FBXO38: variants seen among roughly 807,000 people sequenced by gnomAD.
FBXO38 encodes F-box only protein 38.
In FBXO38, 53 loss-of-function variants were observed where a neutral mutation model predicts 131.9. The ratio of observed to expected loss-of-function variants is 0.40; its 90% CI spans 0.32 to 0.51. The LOEUF is 0.51. Among genes scored for constraint, FBXO38 ranks in the 20% least tolerant of loss-of-function variants. The pLI is 0.53. For synonymous variants in FBXO38, 452 were observed against 505.6 expected (o/e 0.89, Z 1.42); for missense variants, 1,076 against 1,475.6 (o/e 0.73, Z 4.44).
intron 2 of FBXO38, 71 bp downstream of exon 2, chr5:148,394,975 T>C: frequency 2.2e-6 from 3 of 1,372,514 alleles, no homozygotes; most frequent in Non-Finnish European, 1.9e-6. Flanking sequence ...TGCTGTCTAA[T>C]GTGGTAGCTA....
intron 10 of FBXO38, among the ~76,000 whole-genome samples, chr5:148,415,643 TTCA>T (rs1753009636): frequency 6.6e-6 from 1 of 152,162 alleles, no homozygotes; most frequent in Non-Finnish European, 1.5e-5. Flanking sequence ...AATTTTTTAA[TTCA>T]GTGTCCTATT....
intron 18 of FBXO38, among the ~76,000 whole-genome samples, chr5:148,439,121 C>T (rs954286710): frequency 6.6e-6 from 1 of 152,122 alleles, no homozygotes; most frequent in African/African-American, 2.4e-5. Context: ...AGGAGTTTGC[C>T]TTCCCAAAAA....
chr5:148,420,928 A>AT (rs1326071229), intron 12 of FBXO38, among the ~76,000 whole-genome samples: 2 of 151,496 alleles, frequency 1.3e-5, no homozygotes, highest in Non-Finnish European at 2.9e-5. Context: ...AAATGCTGGG[A>AT]TTACAGGTGT....
rs992947480 is a variant in FBXO38, at chr5:148,439,808, GCCCTTAA to G, written c.3170+17_3170+23del. On this transcript the variant is annotated intron_variant, in intron 19 of 21. Transcript: ENST00000340253. Reference sequence around the variant, plus strand: ...ACATCAATCAGTAAGTAACTTTGTGGCCCTTAAAGGCCTTTTGAGTCATTTCTCATAG... The same window carrying G: ...ACATCAATCAGTAAGTAACTTTGTGGAGGCCTTTTGAGTCATTTCTCATAG... 6.2e-7 allele frequency: 1 copy of G among 1,612,156 alleles called. No individual in the cohort carries two copies. Among genetic ancestry groups the G allele is most frequent in the African/African-American group, 1.3e-5 (1 of 74,944 alleles).
At position 148,442,297 on chromosome 5, in the gene FBXO38, T is replaced by C. The variant is rs897495214; in HGVS notation, c.*150T>C. 2.0e-6 allele frequency: 1 copy of C among 511,304 alleles called. No homozygotes were observed. Among genetic ancestry groups the C allele is most frequent in the Non-Finnish European group, 3.4e-6 (1 of 295,686 alleles). The allele number at this position is 511,304 out of a possible 1,614,324, so 31.7% of individuals were successfully genotyped here. ...ATATATAAGGAACATCGAAATTGTA[T>C]ACAAAGATTTGTACATAAAAAATAT... On this transcript the variant is annotated 3_prime_UTR_variant, in exon 22 of 22. Transcript: ENST00000340253.
At position 148,409,115 on chromosome 5, in the gene FBXO38, C is replaced by T. The variant is rs768616588; in HGVS notation, c.869-9C>T. On this transcript the variant is annotated splice_polypyrimidine_tract_variant and intron_variant, in intron 7 of 21. Coordinates refer to ENST00000340253, the MANE Select transcript of FBXO38 (RefSeq NM_205836.3). Reference sequence around the variant, plus strand: ...TGGTCAAACACTTGTTTTTGTTCCTCGTCTTTAGGTGGTTTTAGAAATTTG... The same window carrying T: ...TGGTCAAACACTTGTTTTTGTTCCTTGTCTTTAGGTGGTTTTAGAAATTTG... The T allele has an allele frequency of 1.0e-5, 16 of 1,567,262 alleles. No individual in the cohort carries two copies. Among genetic ancestry groups the T allele is most frequent in the Admixed American group, 1.7e-5 (1 of 59,888 alleles).
intron 1 of FBXO38, chr5:148,384,747 T>G (rs563769576): frequency 1.4e-4 from 22 of 152,434 alleles, no homozygotes; most frequent in African/African-American, 5.3e-4. Flanking sequence ...CTACCGTGTT[T>G]CTTTGCAGAC....
chr5:148,403,152 A>T (rs1200971238), intron 5 of FBXO38, among the ~76,000 whole-genome samples: 3 of 152,130 alleles, frequency 2.0e-5, no homozygotes, highest in Non-Finnish European at 2.9e-5. Context: ...GGATTCTGTA[A>T]TATCTGGAAT....
At chr5:148,384,614 C>T (rs1030331311) in intron 1 of FBXO38, 1 of 152,102 alleles carries the variant, frequency 6.6e-6, no homozygotes, top group Non-Finnish European at 1.5e-5. Context: ...TGTTGGATGC[C>T]TTTGATGTCC....
chr5:148,399,944 T>C (rs1335475095), intron 3 of FBXO38, among the ~76,000 whole-genome samples: 1 of 151,802 alleles, frequency 6.6e-6, no homozygotes. Context: ...AAAAAAAGCC[T>C]TAATAGAAGT....
chr5:148,388,008 A>G (rs1758006128), intron 1 of FBXO38, among the ~76,000 whole-genome samples: 1 of 143,586 alleles, frequency 7.0e-6, no homozygotes, highest in Admixed American at 7.0e-5. Context: ...TGTTTCTTAA[A>G]TAATATGACT....
intron 7 of FBXO38, among the ~76,000 whole-genome samples, chr5:148,408,349 CATA>C (rs1201223024): frequency 6.6e-6 from 1 of 152,214 alleles, no homozygotes. Flanking sequence ...TGGTCATACA[CATA>C]GCAACAGTTG....
chr5:148,439,142 A>G (rs1380297369), intron 18 of FBXO38, among the ~76,000 whole-genome samples: 1 of 152,198 alleles, frequency 6.6e-6, no homozygotes. Context: ...GGAGACAAAC[A>G]CTTATGCCAC....
intron 15 of FBXO38, among the ~76,000 whole-genome samples, chr5:148,428,349 G>T (rs1213459912): frequency 6.6e-6 from 1 of 152,206 alleles, no homozygotes; most frequent in African/African-American, 2.4e-5. Context: ...ACACATCTCA[G>T]TGCAGCTTCC....
Position 148,417,138 on chromosome 5 carries a change from G to A in FBXO38, c.1552G>A (p.Asp518Asn). ...IHDNNHHHPD[D>N]SDEENDFRQD... ...CGACAACAATCACCATCATCCAGAT[G>A]ACTCAGACGAGGAGAATGACTTTCG... The change falls in exon 12 of 22, where the codon GAC (aspartate) becomes AAC (asparagine). Residue 518 changes from aspartate to asparagine, a missense_variant. Transcript: ENST00000340253. 6.2e-7 allele frequency: 1 copy of A among 1,613,870 alleles called. No individual in the cohort carries two copies. Among genetic ancestry groups the A allele is most frequent in the African/African-American group, 1.3e-5 (1 of 75,022 alleles).
chr5:148,430,092 C>T (rs1330288727), intron 15 of FBXO38: 2 of 149,248 alleles, frequency 1.3e-5, no homozygotes, highest in Non-Finnish European at 3.0e-5. Context: ...ATTAAAGTCC[C>T]TTTTGGAAAA....
intron 5 of FBXO38, among the ~76,000 whole-genome samples, chr5:148,403,471 G>A (rs887559960): frequency 1.3e-5 from 2 of 152,002 alleles, no homozygotes; most frequent in African/African-American, 4.8e-5. Flanking sequence ...TCTTCCTTGG[G>A]TTTCCTAATC....
At chr5:148,428,254 C>A (rs1426093130) in intron 15 of FBXO38, among the ~76,000 whole-genome samples, 1 of 152,188 alleles carries the variant, frequency 6.6e-6, no homozygotes, top group Non-Finnish European at 1.5e-5. Flanking sequence ...ACTCTGCTGC[C>A]ATCACACACT....
At chr5:148,437,082 T>C (rs751034244) in intron 17 of FBXO38, among the ~76,000 whole-genome samples, 9 of 152,266 alleles carry the variant, frequency 5.9e-5, no homozygotes, top group Admixed American at 1.3e-4. Flanking sequence ...TCCGAGAATC[T>C]GACTAGTTTT....
Sources: gnomAD v4.1 joint callset for allele counts (sites outside exome capture counted in the v4.1 genomes callset) on GRCh38, gnomAD v4.1.1 for gene constraint, MANE v1.5 for transcripts, NCBI Gene and HGNC (gene_info 2026-07-23, HGNC 2026-07-21) for gene names.